The following CFAP251 variants were observed in gnomAD, a reference collection of about 807,000 sequenced individuals.
The protein encoded by CFAP251 is cilia- and flagella-associated protein 251.
In CFAP251, 93 loss-of-function variants were observed where a neutral mutation model predicts 126.7. The observed-to-expected ratio is 0.73, with a 90% CI of 0.62 to 0.87. CFAP251 has a LOEUF of 0.87. Ranked by LOEUF, CFAP251 falls within the 40% of genes least tolerant of loss-of-function variation. The probability of loss-of-function intolerance (pLI) is 0.00; values close to 1 mark genes in which losing one functional copy is unlikely to be tolerated. For synonymous variants in CFAP251, 503 were observed against 506.9 expected, an observed-to-expected ratio of 0.99 and a Z score of 0.10; for missense variants, 1,287 against 1,389.2, an observed-to-expected ratio of 0.93 and a Z score of 1.17.
At chr12:121,969,368 C>T (rs1318588478) in intron 17 of CFAP251, 2 of 985,308 alleles carry the variant, frequency 2.0e-6, no homozygotes, top group Admixed American at 6.1e-5. Flanking sequence ...GAGGTGAACT[C>T]TCCTATTGAA....
At chr12:121,936,776 T>C (rs758494618) in intron 5 of CFAP251, among the ~76,000 whole-genome samples, 4 of 151,888 alleles carry the variant, frequency 2.6e-5, no homozygotes, top group Non-Finnish European at 4.4e-5. Flanking sequence ...CTGCAGCAGA[T>C]GGTGGGTGGG....
intron 19 of CFAP251, among the ~76,000 whole-genome samples, chr12:121,992,868 C>T (rs943533300): frequency 6.6e-5 from 10 of 152,144 alleles, no homozygotes; most frequent in Admixed American, 2.0e-4. Context: ...CCCCACCCAG[C>T]CAAATTATAA....
At chr12:121,922,391 C>T (rs1224207776) in intron 2 of CFAP251, among the ~76,000 whole-genome samples, 1 of 152,086 alleles carries the variant, frequency 6.6e-6, no homozygotes, top group Non-Finnish European at 1.5e-5. Context: ...AGCCCCTGCA[C>T]CTGGCCACAA....
chr12:121,979,715 C>G (rs1882571663), intron 19 of CFAP251, among the ~76,000 whole-genome samples: 1 of 151,902 alleles, frequency 6.6e-6, no homozygotes. Context: ...CAGGCATGCA[C>G]CACCATGCCT....
In CFAP251 at chr12:121,990,004, C is replaced by T. The variant is rs530974751; in HGVS notation, c.3007-9712C>T. On this transcript the variant is annotated intron_variant, in intron 19 of 21. Transcript: ENST00000288912. Reference sequence around the variant, plus strand: ...TCTCGGGTGAGGGGACTCCAGCCCACCACCAAGAGGCCACCCTCATGTCTT... The same window carrying T: ...TCTCGGGTGAGGGGACTCCAGCCCATCACCAAGAGGCCACCCTCATGTCTT... Among the ~76,000 whole-genome samples, 10 of 152,288 alleles carry T rather than the reference C, an allele frequency of 6.6e-5. No individual in the cohort carries two copies. The South Asian group carries it at 1.2e-3, about 19-fold the overall frequency.
chr12:121,978,393 C>CAAAAAATAAAAAAA (rs1882532147), intron 19 of CFAP251, among the ~76,000 whole-genome samples: 1 of 42,120 alleles, frequency 2.4e-5, no homozygotes, highest in Non-Finnish European at 4.0e-5. Flanking sequence ...GACTCTGTCT[C>CAAAAAATAAAAAAA]AAAAAAAAAA....
intron 19 of CFAP251, among the ~76,000 whole-genome samples, chr12:121,986,897 G>A (rs1442690985): frequency 6.6e-6 from 1 of 152,068 alleles, no homozygotes; most frequent in African/African-American, 2.4e-5. Flanking sequence ...ATACATTTCT[G>A]TACTATTTAA....
Position 121,999,703 on chromosome 12 carries a change from A to T in CFAP251, c.3007-13A>T. Reference sequence around the variant, plus strand: ...TTACTGTGGTCTTTTTTTTTTCCCCATCTTTCCCCTAGATTGATGATATAT... The same window carrying T: ...TTACTGTGGTCTTTTTTTTTTCCCCTTCTTTCCCCTAGATTGATGATATAT... On this transcript the variant is annotated splice_polypyrimidine_tract_variant and intron_variant, in intron 19 of 21. Transcript: ENST00000288912. 4.5e-6 allele frequency: 7 copies of T among 1,570,412 alleles called. No individual in the cohort carries two copies. The Admixed American group carries it at 7.3e-5, about 16-fold the overall frequency.
rs1283575416 is a variant in CFAP251, at chr12:121,958,047, T to C, written c.1731-225T>C. Among the ~76,000 whole-genome samples the C allele has an allele frequency of 2.6e-5, 4 of 152,250 alleles. No individual in the cohort carries two copies. The East Asian group carries it at 7.7e-4, about 29-fold the overall frequency. On this transcript the variant is annotated intron_variant, in intron 11 of 21. Transcript: ENST00000288912. ...GATTAGCTAATTGTACAACTGACTGTCCATCTGCATACTTAATGACTCAAT... is the reference window on the plus strand; with the variant it reads ...GATTAGCTAATTGTACAACTGACTGCCCATCTGCATACTTAATGACTCAAT...
chr12:121,969,673 T>G, intron 17 of CFAP251: 1 of 891,646 alleles, frequency 1.1e-6, no homozygotes, highest in Non-Finnish European at 1.3e-6. Flanking sequence ...ATTTTTTTTG[T>G]CGATACAGAG....
intron 5 of CFAP251, among the ~76,000 whole-genome samples, chr12:121,941,239 C>G (rs996992360): frequency 7.9e-5 from 12 of 151,324 alleles, no homozygotes; most frequent in African/African-American, 2.7e-4. Context: ...ACCATGTTGG[C>G]CAGGCTGGTC....
intron 3 of CFAP251, among the ~76,000 whole-genome samples, chr12:121,930,748 CTTTTTTTT>C (rs72062810): frequency 9.1e-6 from 1 of 109,884 alleles, no homozygotes; most frequent in Non-Finnish European, 2.0e-5. Context: ...AATTGCCTTT[CTTTTTTTT>C]TTTTTTTTTT....
chr12:121,967,183 G>A lies in CFAP251; in HGVS notation c.2607+114G>A. 7 of 907,338 alleles carry A rather than the reference G, an allele frequency of 7.7e-6. No homozygotes were observed. In the Middle Eastern group the frequency reaches 8.9e-4, roughly 115 times the overall value. The allele number at this position is 907,338 out of a possible 1,614,324, so 56.2% of individuals were successfully genotyped here. On this transcript the variant is annotated intron_variant, in intron 16 of 21. Coordinates refer to ENST00000288912, the MANE Select transcript of CFAP251 (RefSeq NM_144668.6). Reference sequence around the variant, plus strand: ...TCTGGGTTTACAGCCAAGCCCAACTGCTTCCACCCCAGTCAGCTGTGATAC... The same window carrying A: ...TCTGGGTTTACAGCCAAGCCCAACTACTTCCACCCCAGTCAGCTGTGATAC...
chr12:121,980,837 A>G (rs1324938461), intron 19 of CFAP251, among the ~76,000 whole-genome samples: 1 of 152,206 alleles, frequency 6.6e-6, no homozygotes, highest in Non-Finnish European at 1.5e-5. Flanking sequence ...AGATGGAGAA[A>G]GGGAAGAAGC....
chr12:121,975,368 C>A, intron 18 of CFAP251, 34 bp downstream of exon 18: 2 of 1,599,236 alleles, frequency 1.3e-6, no homozygotes, highest in East Asian at 4.5e-5. Flanking sequence ...CTCCTGGTAA[C>A]ATCTAGTTAA....
chr12:121,931,807 G>A lies in CFAP251; in HGVS notation c.809G>A (p.Arg270Lys). ...CCTGTTTACTATATTCGAGAGGAAA[G>A]GCAGAGAGTTCTTCTGTATGTTTGT... ...SLPVYYIREE[R>K]QRVLLYVCAH... Residue 270 changes from arginine to lysine, a missense_variant, in exon 4 of 22, where the codon AGG (arginine) becomes AAG (lysine). Coordinates refer to ENST00000288912, the MANE Select transcript of CFAP251 (RefSeq NM_144668.6). The A allele has an allele frequency of 1.2e-6, 2 of 1,605,612 alleles. No homozygotes were observed. The highest frequency in any genetic ancestry group is 1.7e-6 in the Non-Finnish European group (2 of 1,176,612).
chr12:121,987,298 C>G (rs898030172), intron 19 of CFAP251, among the ~76,000 whole-genome samples: 8 of 152,204 alleles, frequency 5.3e-5, no homozygotes, highest in African/African-American at 1.9e-4. Flanking sequence ...GGCCAGGCCC[C>G]TGCCCAGCGA....
At chr12:121,952,240 TAAAAAAAAAAAAAAAAA>T (rs558861973) in intron 9 of CFAP251, among the ~76,000 whole-genome samples, 1 of 92,100 alleles carries the variant, frequency 1.1e-5, no homozygotes, top group Non-Finnish European at 1.9e-5. Flanking sequence ...TCGTTTCTAC[TAAAAAAAAAAAAAAAAA>T]AAAAAAAAAA....
At chr12:121,962,276 C>T (rs1216180439) in intron 15 of CFAP251, 114 bp downstream of exon 15, 3 of 955,664 alleles carry the variant, frequency 3.1e-6, no homozygotes, top group Admixed American at 2.5e-5. Flanking sequence ...TTATCATCCT[C>T]TTTGCTTTGC....
Sources: gnomAD v4.1 joint callset for allele counts (sites outside exome capture counted in the v4.1 genomes callset) on GRCh38, gnomAD v4.1.1 for gene constraint, MANE v1.5 for transcripts, NCBI Gene and HGNC (gene_info 2026-07-23, HGNC 2026-07-21) for gene names.